The following EBF2 variants were observed in gnomAD, a reference collection of about 807,000 sequenced individuals.
EBF2 encodes EBF transcription factor 2.
EBF2 carries 21 observed loss-of-function variants against 72.8 expected under a neutral mutation model. That is an observed-to-expected ratio of 0.29 (90% CI 0.20 to 0.42). EBF2 has a LOEUF of 0.42. Ranked by LOEUF, EBF2 falls within the 10% of genes least tolerant of loss-of-function variation. The probability of loss-of-function intolerance (pLI) is 1.00; values close to 1 mark genes in which losing one functional copy is unlikely to be tolerated. For synonymous variants in EBF2, 299 were observed against 274.2 expected (o/e 1.09, Z -0.89); for missense variants, 637 against 731.2 (o/e 0.87, Z 1.49).
intron 6 of EBF2, among the ~76,000 whole-genome samples, chr8:26,022,030 G>T (rs565408080): frequency 6.6e-6 from 1 of 152,324 alleles, no homozygotes; most frequent in South Asian, 2.1e-4. Context: ...CCATCAGTTT[G>T]CCCCAAGCCA....
intron 6 of EBF2, among the ~76,000 whole-genome samples, chr8:26,005,860 TAGAA>T: frequency 6.7e-6 from 1 of 149,796 alleles, no homozygotes; most frequent in Middle Eastern, 3.5e-3. Flanking sequence ...TTTAAAATGA[TAGAA>T]AGACTCATGC....
intron 6 of EBF2, among the ~76,000 whole-genome samples, chr8:25,945,088 G>GCCCCCCCCCCCC (rs11461828): frequency 1.9e-3 from 247 of 127,430 alleles, no homozygotes; most frequent in African/African-American, 2.7e-3. Flanking sequence ...TTGTTCTGTT[G>GCCCCCCCCCCCC]CCCCCCCCGC....
At chr8:25,926,178 C>T (rs543284258) in intron 6 of EBF2, among the ~76,000 whole-genome samples, 4 of 152,146 alleles carry the variant, frequency 2.6e-5, no homozygotes, top group Middle Eastern at 3.4e-3. Flanking sequence ...TACCAGTGGG[C>T]CACAATACAA....
At chr8:26,043,600 G>A (rs1805647116) in intron 1 of EBF2, among the ~76,000 whole-genome samples, 1 of 152,226 alleles carries the variant, frequency 6.6e-6, no homozygotes, top group Non-Finnish European at 1.5e-5. Flanking sequence ...GGAGGGAACC[G>A]CCGCCGGCCC....
chr8:25,851,163 C>T (rs773414485), intron 14 of EBF2, among the ~76,000 whole-genome samples: 1 of 151,840 alleles, frequency 6.6e-6, no homozygotes, highest in African/African-American at 2.4e-5. Flanking sequence ...AAATCGCTTT[C>T]ACACCCTACA....
chr8:25,923,060 G>A lies in EBF2; in HGVS notation c.552-14505C>T, dbSNP rs146582729. Among the ~76,000 whole-genome samples the A allele has an allele frequency of 3.3e-4, 50 of 152,280 alleles. No individual in the cohort carries two copies. In the East Asian group the frequency reaches 9.7e-3, roughly 29 times the overall value. On this transcript the variant is annotated intron_variant, in intron 6 of 15. Coordinates refer to ENST00000520164, the MANE Select transcript of EBF2 (RefSeq NM_022659.4). ...ACAGAGCCTGTTCTGCTTTCTCAGG[G>A]AGTTGCCAGGACTCAAGTGAGCAGC...
At chr8:26,042,893 G>A (rs1219566820) in intron 1 of EBF2, among the ~76,000 whole-genome samples, 1 of 152,206 alleles carries the variant, frequency 6.6e-6, no homozygotes, top group African/African-American at 2.4e-5. Context: ...AGTTGTGCCT[G>A]GGACAGAGAC....
intron 6 of EBF2, among the ~76,000 whole-genome samples, chr8:25,943,245 T>A (rs569323991): frequency 6.7e-6 from 1 of 148,546 alleles, no homozygotes; most frequent in Non-Finnish European, 1.5e-5. Context: ...GGTGGAAGGA[T>A]TGCTTGAGGC....
At chr8:25,888,646 C>T (rs886617703) in intron 8 of EBF2, among the ~76,000 whole-genome samples, 1 of 152,174 alleles carries the variant, frequency 6.6e-6, no homozygotes, top group African/African-American at 2.4e-5. Context: ...GAGACAATTT[C>T]TAATCACTCT....
chr8:25,939,103 A>C (rs905379162), intron 6 of EBF2, among the ~76,000 whole-genome samples: 1 of 152,062 alleles, frequency 6.6e-6, no homozygotes, highest in Admixed American at 6.5e-5. Context: ...AAAATCAAAA[A>C]CTAAAAAATC....
chr8:25,988,693 C>A (rs985278825), intron 6 of EBF2, among the ~76,000 whole-genome samples: 2 of 152,202 alleles, frequency 1.3e-5, no homozygotes, highest in Non-Finnish European at 1.5e-5. Flanking sequence ...TAACATTTTA[C>A]ATTTTGCATA....
intron 7 of EBF2, 60 bp downstream of exon 7, chr8:25,908,414 G>A: frequency 8.0e-7 from 1 of 1,246,910 alleles, no homozygotes; most frequent in Non-Finnish European, 1.2e-6. Context: ...TAAAAAGAGT[G>A]AGAAGGAGAG....
chr8:25,951,704 A>G (rs893061448), intron 6 of EBF2, among the ~76,000 whole-genome samples: 1 of 152,162 alleles, frequency 6.6e-6, no homozygotes, highest in African/African-American at 2.4e-5. Flanking sequence ...TACCAAGGAA[A>G]GAATGAGGTT....
rs185968111 is a variant in EBF2 at position 25,896,312 on chromosome 8, G to C, written c.634-6443C>G. 1.4e-3 allele frequency among the ~76,000 whole-genome samples: 219 copies of C among 152,254 alleles called. 1 individual carries two copies. Among genetic ancestry groups the C allele is most frequent in the African/African-American group, 4.7e-3 (195 of 41,534 alleles). On this transcript the variant is annotated intron_variant, in intron 7 of 15. Transcript: ENST00000520164. ...ACACAGTTCCCCACCCTTTCAATGAGGGTCATGCACCTCCTAGCTGAATGT... is the reference window on the plus strand; with the variant it reads ...ACACAGTTCCCCACCCTTTCAATGACGGTCATGCACCTCCTAGCTGAATGT...
At chr8:25,942,491 A>G (rs1280040322) in intron 6 of EBF2, among the ~76,000 whole-genome samples, 1 of 152,230 alleles carries the variant, frequency 6.6e-6, no homozygotes, top group Non-Finnish European at 1.5e-5. Context: ...GTAAATGGAC[A>G]CAATGTCCCC....
rs1802745883 is a variant in EBF2 at position 25,889,681 on chromosome 8, A to C, written c.751+71T>G. 3 of 1,247,312 alleles carry C rather than the reference A, an allele frequency of 2.4e-6. 1 individual carries two copies. 77.3% of individuals were successfully genotyped at this position (1,247,312 alleles called of 1,614,324 possible). On this transcript the variant is annotated intron_variant, in intron 8 of 15. Transcript: ENST00000520164. ...TCTCTGCTCTGACTCCAAGACATAA[A>C]TTTGAAGTTCGAACAAGGAAATTCG...
chr8:25,880,653 A>T (rs1376243784), intron 10 of EBF2, among the ~76,000 whole-genome samples: 1 of 152,218 alleles, frequency 6.6e-6, no homozygotes, highest in Non-Finnish European at 1.5e-5. Context: ...GAAACTTAAA[A>T]TAGGTTTTAA....
chr8:25,981,667 G>T (rs908751605), intron 6 of EBF2, among the ~76,000 whole-genome samples: 2 of 151,950 alleles, frequency 1.3e-5, no homozygotes, highest in Non-Finnish European at 2.9e-5. Flanking sequence ...GTGGTAGCAG[G>T]CACCTGTAAT....
intron 10 of EBF2, among the ~76,000 whole-genome samples, chr8:25,871,242 T>C (rs957588045): frequency 5.3e-5 from 8 of 152,050 alleles, no homozygotes; most frequent in African/African-American, 1.9e-4. Context: ...AATTAGCTAA[T>C]GAGGTGCCCA....
Sources: gnomAD v4.1 joint callset for allele counts (sites outside exome capture counted in the v4.1 genomes callset) on GRCh38, gnomAD v4.1.1 for gene constraint, MANE v1.5 for transcripts, NCBI Gene and HGNC (gene_info 2026-07-23, HGNC 2026-07-21) for gene names.